The following MAPKAP1 variants were observed in gnomAD, a reference collection of about 807,000 sequenced individuals.
The protein encoded by MAPKAP1 is MAPK associated protein 1, also known as target of rapamycin complex 2 subunit MAPKAP1.
A neutral mutation model predicts 65.7 loss-of-function variants in MAPKAP1; 20 were observed. The ratio of observed to expected loss-of-function variants is 0.30; its 90% CI spans 0.21 to 0.44. MAPKAP1 has a LOEUF of 0.44. Among genes scored for constraint, MAPKAP1 ranks in the 20% least tolerant of loss-of-function variants. The pLI is 1.00. For missense variants in MAPKAP1, 423 were observed against 648.0 expected, an observed-to-expected ratio of 0.65 and a Z score of 3.77; for synonymous variants, 222 against 244.3, an observed-to-expected ratio of 0.91 and a Z score of 0.85.
intron 3 of MAPKAP1, among the ~76,000 whole-genome samples, chr9:125,659,726 A>T (rs1834131522): frequency 1.3e-5 from 2 of 150,776 alleles, no homozygotes; most frequent in South Asian, 4.2e-4. Context: ...TTAAAAAAAA[A>T]AAAAATCCTC....
chr9:125,690,565 T>C (rs928656633), intron 1 of MAPKAP1, among the ~76,000 whole-genome samples: 3 of 152,210 alleles, frequency 2.0e-5, no homozygotes, highest in Non-Finnish European at 4.4e-5. Flanking sequence ...CATAGGATTG[T>C]TGTGAGGACT....
intron 8 of MAPKAP1, among the ~76,000 whole-genome samples, chr9:125,503,706 TTTC>T (rs1203748436): frequency 6.6e-6 from 1 of 151,784 alleles, no homozygotes; most frequent in Non-Finnish European, 1.5e-5. Context: ...TTTAAGATAA[TTTC>T]TTTTTTCTTT....
In MAPKAP1 at chr9:125,557,179, G is replaced by C. The variant is rs1280764562; in HGVS notation, c.848+2454C>G. On this transcript the variant is annotated intron_variant, in intron 6 of 11. Transcript: ENST00000265960. The stretch of plus-strand genomic sequence containing the variant: ...TTCTCCAGAAGGCAGGGTTCATAGT[G>C]AAACACTGTGTAGTCTTAGATGCCC... Among the ~76,000 whole-genome samples the C allele has an allele frequency of 2.6e-5, 4 of 152,100 alleles. No homozygotes were observed. The East Asian group carries it at 7.7e-4, about 29-fold the overall frequency.
intron 1 of MAPKAP1, among the ~76,000 whole-genome samples, chr9:125,690,543 C>T (rs1244732954): frequency 6.6e-6 from 1 of 152,208 alleles, no homozygotes; most frequent in Non-Finnish European, 1.5e-5. Flanking sequence ...GAAGTAAGTT[C>T]AGTGCCTACC....
chr9:125,472,344 A>G (rs1291282643), intron 9 of MAPKAP1, among the ~76,000 whole-genome samples: 1 of 152,214 alleles, frequency 6.6e-6, no homozygotes, highest in Non-Finnish European at 1.5e-5. Flanking sequence ...AATAATAAGG[A>G]GCTCTGCCCA....
At chr9:125,512,317 G>T (rs1475090703) in intron 7 of MAPKAP1, among the ~76,000 whole-genome samples, 2 of 152,156 alleles carry the variant, frequency 1.3e-5, no homozygotes, top group Non-Finnish European at 2.9e-5. Context: ...TCAGATCCTG[G>T]TATCAGGAAA....
intron 1 of MAPKAP1, among the ~76,000 whole-genome samples, chr9:125,673,749 T>C (rs1399197761): frequency 6.6e-6 from 1 of 151,742 alleles, no homozygotes; most frequent in Non-Finnish European, 1.5e-5. Flanking sequence ...ATCAAAACTC[T>C]ATCTCTACAA....
At chr9:125,537,289 T>C (rs773444521) in intron 7 of MAPKAP1, among the ~76,000 whole-genome samples, 9 of 152,190 alleles carry the variant, frequency 5.9e-5, no homozygotes, top group Non-Finnish European at 1.3e-4. Context: ...GCACCTCTTT[T>C]TTCCTTTAAC....
chr9:125,555,462 G>C (rs1233815446), intron 6 of MAPKAP1, among the ~76,000 whole-genome samples: 2 of 152,256 alleles, frequency 1.3e-5, no homozygotes, highest in Non-Finnish European at 2.9e-5. Flanking sequence ...CACTTAGAGG[G>C]AAAGATGGTA....
At chr9:125,519,672 A>ATATG (rs3051234) in intron 7 of MAPKAP1, among the ~76,000 whole-genome samples, 1 of 147,342 alleles carries the variant, frequency 6.8e-6, no homozygotes, top group Non-Finnish European at 1.5e-5. Context: ...ATATATATAT[A>ATATG]ATTTAAAAAA....
chr9:125,626,553 C>G (rs1234412906), intron 4 of MAPKAP1, among the ~76,000 whole-genome samples: 1 of 152,222 alleles, frequency 6.6e-6, no homozygotes, highest in Non-Finnish European at 1.5e-5. Flanking sequence ...CATCACCACA[C>G]TGGCCACATT....
intron 1 of MAPKAP1, among the ~76,000 whole-genome samples, chr9:125,702,930 G>A (rs575316366): frequency 6.6e-6 from 1 of 152,086 alleles, no homozygotes; most frequent in Non-Finnish European, 1.5e-5. Context: ...AGGCAGAGGT[G>A]GGAGGATCAC....
At chr9:125,690,810 ACAGAGTT>A (rs1388639575) in intron 1 of MAPKAP1, among the ~76,000 whole-genome samples, 6 of 152,220 alleles carry the variant, frequency 3.9e-5, no homozygotes, top group East Asian at 1.9e-4. Flanking sequence ...CTAAAATTAC[ACAGAGTT>A]CAAAGTTGCT....
At chr9:125,644,100 A>T (rs1309096831) in intron 4 of MAPKAP1, among the ~76,000 whole-genome samples, 1 of 152,222 alleles carries the variant, frequency 6.6e-6, no homozygotes, top group Non-Finnish European at 1.5e-5. Context: ...AGAGGTTAAG[A>T]GGGGAATGGA....
At chr9:125,592,188 G>C (rs1174897410) in intron 4 of MAPKAP1, among the ~76,000 whole-genome samples, 1 of 152,176 alleles carries the variant, frequency 6.6e-6, no homozygotes, top group African/African-American at 2.4e-5. Flanking sequence ...TGTCACGAAA[G>C]TTTTAAGAAG....
intron 7 of MAPKAP1, among the ~76,000 whole-genome samples, chr9:125,507,744 T>C (rs537476606): frequency 1.4e-4 from 22 of 152,348 alleles, no homozygotes; most frequent in African/African-American, 2.2e-4. Context: ...TTAAAACATA[T>C]ACAACTATTT....
chr9:125,574,651 G>A (rs1391501719), intron 5 of MAPKAP1, among the ~76,000 whole-genome samples: 1 of 152,186 alleles, frequency 6.6e-6, no homozygotes, highest in Non-Finnish European at 1.5e-5. Context: ...CAGGGCATCA[G>A]AATATCATAG....
At chr9:125,619,523 C>T (rs1321232738) in intron 4 of MAPKAP1, among the ~76,000 whole-genome samples, 1 of 149,376 alleles carries the variant, frequency 6.7e-6, no homozygotes, top group Non-Finnish European at 1.5e-5. Context: ...TGCAAATTAA[C>T]AATATTCTTA....
At chr9:125,503,380 T>C (rs1028287223) in intron 8 of MAPKAP1, among the ~76,000 whole-genome samples, 23 of 152,244 alleles carry the variant, frequency 1.5e-4, no homozygotes, top group African/African-American at 5.1e-4. Context: ...AGGCAGATAA[T>C]GTCCGGGCAA....
Sources: allele counts gnomAD v4.1 joint callset (sites outside exome capture counted in the v4.1 genomes callset), GRCh38; gene constraint gnomAD v4.1.1; transcripts MANE v1.5; gene names NCBI Gene and HGNC (gene_info 2026-07-23, HGNC 2026-07-21).